EYA4: variants seen among roughly 807,000 people sequenced by gnomAD.
The protein encoded by EYA4 is EYA transcriptional coactivator and phosphatase 4.
EYA4 carries 31 observed loss-of-function variants against 87.9 expected under a neutral mutation model. The ratio of observed to expected loss-of-function variants is 0.35; its 90% CI spans 0.27 to 0.48. The LOEUF (loss-of-function observed/expected upper bound fraction) is 0.48, where lower values mean the gene tolerates loss of function less well. Ranked by LOEUF, EYA4 falls within the 20% of genes least tolerant of loss-of-function variation. The pLI, the probability that EYA4 is intolerant of heterozygous loss-of-function variation, is 0.99. For synonymous variants in EYA4, 263 were observed against 270.6 expected, an observed-to-expected ratio of 0.97 and a Z score of 0.28; for missense variants, 678 against 761.4, an observed-to-expected ratio of 0.89 and a Z score of 1.29.
chr6:133,352,634 T>G (rs1006584648), intron 2 of EYA4, among the ~76,000 whole-genome samples: 6 of 152,188 alleles, frequency 3.9e-5, no homozygotes, highest in East Asian at 1.9e-4. Context: ...TTGACACTAT[T>G]TCATCAGTAA....
Position 133,528,717 on chromosome 6 carries a change from C to A in EYA4, c.1840-8C>A. ...TCTCTCCCATCCCTCCTTCTCCTAA[C>A]CACACAGCACAACATGCCCTTCTGG... is the stretch of plus-strand genomic sequence containing the variant. On this transcript the variant is annotated splice_region_variant and splice_polypyrimidine_tract_variant and intron_variant, in intron 19 of 19. Coordinates refer to ENST00000355286, the MANE Select transcript of EYA4 (RefSeq NM_004100.5). The A allele has an allele frequency of 6.2e-7, 1 of 1,604,056 alleles. No homozygotes were observed. The highest frequency in any genetic ancestry group is 2.2e-5 in the East Asian group (1 of 44,824).
At position 133,274,796 on chromosome 6, in the gene EYA4, G is replaced by A. The variant is rs1253239225; in HGVS notation, c.16G>A (p.Asp6Asn). The change falls in exon 2 of 20, where the codon GAT becomes AAT. Residue 6 changes from aspartate to asparagine, a missense_variant. By Grantham distance (23) the Asp-to-Asn change is conservative. Transcript: ENST00000355286. ...AGAAAACCACATGGAAGACTCCCAG[G>A]ATTTAAATGAACAATCAGTAAGTCT... is the stretch of plus-strand genomic sequence containing the variant. Reference protein sequence around the residue: MEDSQDLNEQSVKKTC... With the variant: MEDSQNLNEQSVKKTC... 8 of 1,613,582 alleles carry A rather than the reference G, an allele frequency of 5.0e-6. No individual in the cohort carries two copies. In the African/African-American group the frequency reaches 9.3e-5, roughly 19 times the overall value.
At chr6:133,360,838 A>C (rs1256467646) in intron 2 of EYA4, among the ~76,000 whole-genome samples, 7 of 152,200 alleles carry the variant, frequency 4.6e-5, no homozygotes, top group Non-Finnish European at 1.0e-4. Context: ...CCATACACCC[A>C]TAGGTACAAA....
At position 133,404,378 on chromosome 6, in the gene EYA4, CTTTG is replaced by C. The variant is rs1277977108; in HGVS notation, c.83+21943_83+21946del. 1.5e-4 allele frequency among the ~76,000 whole-genome samples: 23 copies of C among 152,308 alleles called. No individual in the cohort carries two copies. The East Asian group carries it at 4.2e-3, about 28-fold the overall frequency. ...CATTCAGCCAGTGTTTATTGAAGAG[CTTTG>C]TTTGTCTCTGTCACTGTGATCCTAC... On this transcript the variant is annotated intron_variant, in intron 3 of 19. Transcript: ENST00000355286.
intron 1 of EYA4, among the ~76,000 whole-genome samples, chr6:133,273,023 G>A (rs1776836987): frequency 6.7e-6 from 1 of 149,982 alleles, no homozygotes; most frequent in African/African-American, 2.5e-5. Context: ...ATGCTCATTA[G>A]ACACCCCACT....
intron 3 of EYA4, among the ~76,000 whole-genome samples, chr6:133,429,408 A>G (rs1790980281): frequency 6.6e-6 from 1 of 152,210 alleles, no homozygotes; most frequent in African/African-American, 2.4e-5. Flanking sequence ...TAACATTGTC[A>G]TATACCAAAT....
At chr6:133,351,711 C>A (rs186483387) in intron 2 of EYA4, among the ~76,000 whole-genome samples, 44 of 152,256 alleles carry the variant, frequency 2.9e-4, no homozygotes, top group Admixed American at 7.2e-4. Flanking sequence ...TGTTTCATTA[C>A]AGGAAGGGTG....
rs1375671624 is a variant in EYA4 at position 133,518,985 on chromosome 6, G to A, written c.1616+3550G>A. ...CACAACATACCAGAATCTCTGGGAC[G>A]CATTCAAAGCAGTGTGTAGAGGGAA... On this transcript the variant is annotated intron_variant, in intron 17 of 19. Coordinates refer to ENST00000355286, the MANE Select transcript of EYA4 (RefSeq NM_004100.5). Among the ~76,000 whole-genome samples, 339 of 150,258 alleles carry A rather than the reference G, an allele frequency of 2.3e-3. 3 individuals are homozygous for A. The highest frequency in any genetic ancestry group is 3.5e-3 in the Admixed American group (52 of 14,994).
rs1015179143 is a variant in EYA4, at chr6:133,530,970, T to C, written c.*2165T>C. 2.4e-6 allele frequency: 3 copies of C among 1,262,412 alleles called. No individual in the cohort carries two copies. The African/African-American group carries it at 4.6e-5, about 19-fold the overall frequency. The allele number at this position is 1,262,412 out of a possible 1,614,324, so 78.2% of individuals were successfully genotyped here. A position where few individuals can be genotyped will look rare whatever the true frequency, so the allele number is the denominator to read the frequency against. On this transcript the variant is annotated 3_prime_UTR_variant, in exon 20 of 20. Coordinates refer to ENST00000355286, the MANE Select transcript of EYA4 (RefSeq NM_004100.5). ...TGTGCACTAAAACCTTAAATATTTA[T>C]TACTGTGAATAAAAACAAATTATCT...
chr6:133,518,174 T>C (rs116674611), intron 17 of EYA4, among the ~76,000 whole-genome samples: 1 of 152,090 alleles, frequency 6.6e-6, no homozygotes, highest in Admixed American at 6.6e-5. Flanking sequence ...GCTTTCATTA[T>C]TTCTAAAAGA....
upstream of EYA4, chr6:133,241,317 C>A (rs1582711474): frequency 6.6e-6 from 1 of 152,104 alleles, no homozygotes; most frequent in African/African-American, 2.4e-5. Flanking sequence ...GCGAGGCTGC[C>A]GGCAGCGCGG....
intron 1 of EYA4, among the ~76,000 whole-genome samples, chr6:133,261,514 A>G (rs181348389): frequency 1.0e-3 from 153 of 152,332 alleles, no homozygotes; most frequent in African/African-American, 3.4e-3. Context: ...GATGTTATAC[A>G]GAATGACAAC....
chr6:133,522,419 A>G (rs1800267621), intron 17 of EYA4, among the ~76,000 whole-genome samples: 1 of 152,054 alleles, frequency 6.6e-6, no homozygotes, highest in African/African-American at 2.4e-5. Context: ...TAGTTAATAG[A>G]TATAAACAAG....
At chr6:133,423,942 G>A (rs1790432526) in intron 3 of EYA4, among the ~76,000 whole-genome samples, 1 of 152,158 alleles carries the variant, frequency 6.6e-6, no homozygotes, top group Non-Finnish European at 1.5e-5. Context: ...ACAAGATAAA[G>A]ATGAGTTTTA....
chr6:133,284,687 T>C (rs1410258588), intron 2 of EYA4, among the ~76,000 whole-genome samples: 1 of 152,236 alleles, frequency 6.6e-6, no homozygotes, highest in Non-Finnish European at 1.5e-5. Context: ...GTGTAAGTTC[T>C]ATTCTTAGTT....
At chr6:133,417,669 A>C (rs550804240) in intron 3 of EYA4, among the ~76,000 whole-genome samples, 3 of 137,930 alleles carry the variant, frequency 2.2e-5, no homozygotes, top group Admixed American at 1.4e-4. Flanking sequence ...CATAACATGC[A>C]TATCACTAAT....
At chr6:133,362,371 G>T (rs1372778673) in intron 2 of EYA4, among the ~76,000 whole-genome samples, 1 of 152,136 alleles carries the variant, frequency 6.6e-6, no homozygotes, top group Non-Finnish European at 1.5e-5. Flanking sequence ...GAATGGGTTT[G>T]TAATGCTGAT....
intron 2 of EYA4, among the ~76,000 whole-genome samples, chr6:133,306,191 G>T (rs781506447): frequency 2.0e-5 from 3 of 152,188 alleles, no homozygotes; most frequent in African/African-American, 7.2e-5. Flanking sequence ...CTAGAGAAAA[G>T]AGAGGCTAAA....
At chr6:133,375,109 A>G (rs1391651750) in intron 2 of EYA4, among the ~76,000 whole-genome samples, 1 of 152,020 alleles carries the variant, frequency 6.6e-6, no homozygotes, top group Non-Finnish European at 1.5e-5. Context: ...AAGATAGAAA[A>G]TGAGTCGTAT....
Sources: gnomAD v4.1 joint callset for allele counts (sites outside exome capture counted in the v4.1 genomes callset) on GRCh38, gnomAD v4.1.1 for gene constraint, MANE v1.5 for transcripts, NCBI Gene and HGNC (gene_info 2026-07-23, HGNC 2026-07-21) for gene names.